Variants in IAH1 observed in about 807,000 individuals in gnomAD.
The protein encoded by IAH1 is isoamyl acetate hydrolyzing esterase 1 (putative), also known as isoamyl acetate-hydrolyzing esterase 1 homolog.
A neutral mutation model predicts 26.7 loss-of-function variants in IAH1; 24 were observed. That is an observed-to-expected ratio of 0.90 (90% CI 0.65 to 1.26). The LOEUF (loss-of-function observed/expected upper bound fraction) is 1.26, where lower values mean the gene tolerates loss of function less well. Among genes scored for constraint, IAH1 ranks in the 50% most tolerant of loss-of-function variants. IAH1 has a pLI of 0.00. For missense variants in IAH1, 300 were observed against 299.9 expected, an observed-to-expected ratio of 1.00 and a Z score of 0.00; for synonymous variants, 140 against 118.5, an observed-to-expected ratio of 1.18 and a Z score of -1.18.
In IAH1 at chr2:9,488,193, G is replaced by A; in HGVS notation, c.611G>A (p.Gly204Glu). ...LSDGLHLSPKGNEFLFSHLWP... is the reference protein window; with the variant it reads ...LSDGLHLSPKENEFLFSHLWP... ...GATGGACTACATTTGTCTCCAAAGG[G>A]GAATGAATTTTTGTTCTCGCATCTC... The change falls in exon 6 of 6, where the codon GGG (glycine) becomes GAG (glutamate). Residue 204 changes from glycine to glutamate, a missense_variant. Transcript: ENST00000497473. 1.9e-6 allele frequency: 3 copies of A among 1,613,042 alleles called. No individual in the cohort carries two copies. The highest frequency in any genetic ancestry group is 2.5e-6 in the Non-Finnish European group (3 of 1,179,644).
At position 9,478,315 on chromosome 2, in the gene IAH1, G is replaced by A. The variant is rs950192326; in HGVS notation, c.228G>A (p.Leu76=). Reference sequence around the variant, plus strand: ...GATTAATCAGGAAAGGAAACAGTTTGGACATCCCAGTAGCAGTTACAATTT... The same window carrying A: ...GATTAATCAGGAAAGGAAACAGTTTAGACATCCCAGTAGCAGTTACAATTT... ...LPRLIRKGNS[L]DIPVAVTIFF... Residue 76 remains leucine (L), a synonymous_variant, in exon 3 of 6, where the codon TTG becomes TTA. Transcript: ENST00000497473. 4 of 1,613,498 alleles carry A rather than the reference G, an allele frequency of 2.5e-6. No individual in the cohort carries two copies. Among genetic ancestry groups the A allele is most frequent in the Non-Finnish European group, 3.4e-6 (4 of 1,179,676 alleles).
At chr2:9,508,002 A>G in the IAH1 span, among the ~76,000 whole-genome samples, 1 of 152,154 alleles carries the variant, frequency 6.6e-6, no homozygotes, top group Admixed American at 6.5e-5. Flanking sequence ...GTGAGCCACC[A>G]TGCCTCACTG....
At chr2:9,478,727 C>T (rs1221438398) in intron 3 of IAH1, among the ~76,000 whole-genome samples, 1 of 152,062 alleles carries the variant, frequency 6.6e-6, no homozygotes, top group Admixed American at 6.6e-5. Context: ...GGTGGCGTGT[C>T]TTAGGGAGGG....
chr2:9,481,286 A>G lies in IAH1; in HGVS notation c.284A>G (p.Asp95Gly), dbSNP rs1017923091. The G allele has an allele frequency of 6.2e-7, 1 of 1,614,052 alleles. No individual in the cohort carries two copies. The highest frequency in any genetic ancestry group is 1.3e-5 in the African/African-American group (1 of 74,938). Residue 95 changes from aspartate to glycine, a missense_variant and splice_region_variant, in exon 4 of 6, where the codon GAT becomes GGT. Transcript: ENST00000497473. ...FFGANDSALK[D>G]ENPKQHIPLE... ...GAGGACTCATGTTTCTCTTGAGCAG[A>G]TGAGAATCCCAAGCAGCACATTCCC...
chr2:9,491,296 C>T, downstream of IAH1: 1 of 648,542 alleles, frequency 1.5e-6, no homozygotes, highest in East Asian at 2.9e-5. Context: ...AGATGACAAT[C>T]CATTTCTCAC....
At chr2:9,494,539 C>T (rs1662412847), downstream of IAH1, 2 of 1,415,968 alleles carry the variant, frequency 1.4e-6, no homozygotes, top group Admixed American at 1.9e-5. Flanking sequence ...TGTAGCCCCA[C>T]TTGTGTTTTG....
rs763425538 is a variant in IAH1 at position 9,476,006 on chromosome 2, G to C, written c.101G>C (p.Gly34Ala). The change falls in exon 2 of 6, where the codon GGA (glycine) becomes GCA (alanine). Residue 34 changes from glycine to alanine, a missense_variant. Gly to Ala is a moderately conservative substitution (Grantham distance 60). Transcript: ENST00000497473. ...SITQFSFQQGGWGASLADRLV... is the reference protein window; with the variant it reads ...SITQFSFQQGAWGASLADRLV... ...CTCCAGTTTTCCTTCCAGCAGGGTG[G>C]ATGGGGAGCATCGCTGGCTGACAGG... 28 of 1,613,758 alleles carry C rather than the reference G, an allele frequency of 1.7e-5. No homozygotes were observed. Among genetic ancestry groups the C allele is most frequent in the Non-Finnish European group, 2.4e-5 (28 of 1,179,956 alleles).
chr2:9,505,660 C>T, the IAH1 span: 196,554 of 375,760 alleles, frequency 0.52, 54,547 homozygotes, highest in Middle Eastern at 0.67. Context: ...TCAAAGCCCA[C>T]TTAAGGACAA....
the IAH1 span, chr2:9,505,310 T>C: frequency 6.2e-7 from 1 of 1,614,208 alleles, no homozygotes; most frequent in Non-Finnish European, 8.5e-7. Flanking sequence ...AAAACACTCC[T>C]GGGCCTTACT....
At chr2:9,510,229 C>T in the IAH1 span, 7 of 1,193,408 alleles carry the variant, frequency 5.9e-6, no homozygotes, top group African/African-American at 1.5e-5. Context: ...GCCTTATAAT[C>T]AGATCAACAA....
At chr2:9,510,185 T>C in the IAH1 span, 1 of 1,596,542 alleles carries the variant, frequency 6.3e-7, no homozygotes. Context: ...CATCACCTAC[T>C]TCTGCCAGTT....
At chr2:9,487,817 TGTGTGTGTGTGTGTGTGCGCGCGC>T (rs1661642525) in intron 5 of IAH1, among the ~76,000 whole-genome samples, 2 of 95,022 alleles carry the variant, frequency 2.1e-5, no homozygotes, top group African/African-American at 8.3e-5. Flanking sequence ...TGTGTGTGTG[TGTGTGTGTGTGTGTGTGCGCGCGC>T]GCGCGCGCGC....
Position 9,484,702 on chromosome 2 carries a change from G to A in IAH1, c.564+152G>A, listed in dbSNP as rs1312364420. 3 of 593,642 alleles carry A rather than the reference G, an allele frequency of 5.1e-6. No individual in the cohort carries two copies. In the African/African-American group the frequency reaches 5.6e-5, roughly 11 times the overall value. 36.8% of individuals were successfully genotyped at this position (593,642 alleles called of 1,614,324 possible). A position where few individuals can be genotyped will look rare whatever the true frequency, so the allele number is the denominator to read the frequency against. ...AACAAACAGGCTTGGGGGAGGGGAGGAATGGAGGTTCCAGGATGGCTCACA... is the reference window on the plus strand; with the variant it reads ...AACAAACAGGCTTGGGGGAGGGGAGAAATGGAGGTTCCAGGATGGCTCACA... On this transcript the variant is annotated intron_variant, in intron 5 of 5. Transcript: ENST00000497473.
In IAH1 at chr2:9,486,137, T is replaced by C. The variant is rs548356632; in HGVS notation, c.564+1587T>C. On this transcript the variant is annotated intron_variant, in intron 5 of 5. Transcript: ENST00000497473. ...GACCTACACATTTATTATCCATCTG[T>C]AATAGGGAAAATGGTCACCAGTGGG... The C allele has an allele frequency of 2.0e-5, 3 of 152,300 alleles. No homozygotes were observed. In the South Asian group the frequency reaches 6.2e-4, roughly 32 times the overall value. The allele number at this position is 152,300 out of a possible 1,614,324, so 9.4% of individuals were successfully genotyped here.
At chr2:9,510,196 G>T in the IAH1 span, 72 of 1,564,710 alleles carry the variant, frequency 4.6e-5, no homozygotes, top group South Asian at 7.7e-4. Context: ...TCTGCCAGTT[G>T]GGCCTATGCT....
At chr2:9,481,469 T>A in intron 4 of IAH1, 22 bp downstream of exon 4, 4 of 1,613,018 alleles carry the variant, frequency 2.5e-6, no homozygotes, top group Non-Finnish European at 3.4e-6. Context: ...ACAGCCAATC[T>A]CGGCAAATCT....
At chr2:9,509,094 C>A in the IAH1 span, among the ~76,000 whole-genome samples, 1 of 152,138 alleles carries the variant, frequency 6.6e-6, no homozygotes, top group African/African-American at 2.4e-5. Context: ...AGTAATCTTG[C>A]CCTCTGTGTC....
rs1661837024 is a variant in IAH1 at position 9,489,034 on chromosome 2, T to C, written c.*705T>C. The C allele has an allele frequency of 6.6e-6, 1 of 152,198 alleles. No individual in the cohort carries two copies. Among genetic ancestry groups the C allele is most frequent in the African/African-American group, 2.4e-5 (1 of 41,438 alleles). 9.4% of individuals were successfully genotyped at this position (152,198 alleles called of 1,614,324 possible). A position where few individuals can be genotyped will look rare whatever the true frequency, so the allele number is the denominator to read the frequency against. ...TAAAGTAAGAAGTAATTCAAATATC[T>C]GCTTGTGGGTCAATAAAAAGGGTTT... On this transcript the variant is annotated 3_prime_UTR_variant, in exon 6 of 6. Transcript: ENST00000497473.
At position 9,484,482 on chromosome 2, in the gene IAH1, T is replaced by C. The variant is rs1248681351; in HGVS notation, c.496T>C (p.Cys166Arg). 2 of 1,614,228 alleles carry C rather than the reference T, an allele frequency of 1.2e-6. No individual in the cohort carries two copies. Among genetic ancestry groups the C allele is most frequent in the Non-Finnish European group, 1.7e-6 (2 of 1,180,034 alleles). The change falls in exon 5 of 6, where the codon TGT becomes CGT. Residue 166 changes from cysteine (C) to arginine (R), a missense_variant. By Grantham distance (180) the Cys-to-Arg change is radical. Transcript: ENST00000497473. ...TGTTGTTGGTGAATATGCCAATGCG[T>C]GTTTACAAGTGGCCCAAGACTGTGG... ...NSVVGEYANA[C>R]LQVAQDCGTD...
Sources: gnomAD v4.1 joint callset for allele counts (sites outside exome capture counted in the v4.1 genomes callset) on GRCh38, gnomAD v4.1.1 for gene constraint, MANE v1.5 for transcripts, NCBI Gene and HGNC (gene_info 2026-07-23, HGNC 2026-07-21) for gene names.